ANKIB1: variants seen among roughly 807,000 people sequenced by gnomAD.
ANKIB1 encodes the protein ankyrin repeat and IBR domain containing 1.
In ANKIB1, 43 loss-of-function variants were observed where a neutral mutation model predicts 122.1. The observed-to-expected ratio is 0.35, with a 90% confidence interval of 0.28 to 0.45. The LOEUF (loss-of-function observed/expected upper bound fraction) is 0.45. ANKIB1 is among the 20% of genes least tolerant of loss of function. The pLI is 1.00. For synonymous variants in ANKIB1, 390 were observed against 442.0 expected, an observed-to-expected ratio of 0.88 and a Z score of 1.48; for missense variants, 992 against 1,329.5, an observed-to-expected ratio of 0.75 and a Z score of 3.95.
At chr7:92,335,043 G>A (rs1803257208) in intron 5 of ANKIB1, among the ~76,000 whole-genome samples, 1 of 151,402 alleles carries the variant, frequency 6.6e-6, no homozygotes, top group East Asian at 1.9e-4. Flanking sequence ...CTGGACATTT[G>A]TATTTCTTTT....
chr7:92,262,640 A>G (rs1801589241), intron 1 of ANKIB1, among the ~76,000 whole-genome samples: 1 of 152,170 alleles, frequency 6.6e-6, no homozygotes, highest in Non-Finnish European at 1.5e-5. Flanking sequence ...AGAAGAAGAA[A>G]ATATACCAGT....
chr7:92,378,906 A>G (rs12536421), intron 11 of ANKIB1, among the ~76,000 whole-genome samples: 49,992 of 152,052 alleles, frequency 0.33, 8,414 homozygotes, highest in Non-Finnish European at 0.35. Flanking sequence ...AACAACCTTC[A>G]TGTGTATCAA....
At chr7:92,298,016 T>G (rs1033893709) in intron 2 of ANKIB1, among the ~76,000 whole-genome samples, 5 of 152,184 alleles carry the variant, frequency 3.3e-5, no homozygotes, top group African/African-American at 1.2e-4. Context: ...TAACTCTGTT[T>G]CTGCCTTCTT....
At chr7:92,332,572 T>C (rs561495657) in intron 5 of ANKIB1, among the ~76,000 whole-genome samples, 13 of 152,352 alleles carry the variant, frequency 8.5e-5, no homozygotes, top group Non-Finnish European at 1.5e-4. Context: ...AAGTAACTTA[T>C]GTAATTGAAT....
intron 11 of ANKIB1, among the ~76,000 whole-genome samples, chr7:92,373,979 A>G (rs1804328009): frequency 6.6e-6 from 1 of 152,202 alleles, no homozygotes; most frequent in Non-Finnish European, 1.5e-5. Context: ...TAAAATGTAG[A>G]AGATTTAAAT....
chr7:92,298,532 C>G (rs548689504), intron 2 of ANKIB1, among the ~76,000 whole-genome samples: 1 of 152,022 alleles, frequency 6.6e-6, no homozygotes, highest in African/African-American at 2.4e-5. Flanking sequence ...TCCAGTGATT[C>G]TTAAAATGTG....
rs370199217 is a variant in ANKIB1, at chr7:92,252,371, T to A, written c.-91+5852T>A. 3.5e-3 allele frequency among the ~76,000 whole-genome samples: 528 copies of A among 151,736 alleles called. 3 individuals are homozygous for A. The highest frequency in any genetic ancestry group is 4.8e-3 in the South Asian group (23 of 4,806). On this transcript the variant is annotated intron_variant, in intron 1 of 19. Transcript: ENST00000265742. ...CTTCTATGCATATTAGTTGGTATTA[T>A]GTCATAAGGTACTACTTTTTTTTTT...
chr7:92,272,245 C>G (rs1243284343), intron 1 of ANKIB1, among the ~76,000 whole-genome samples: 7 of 152,004 alleles, frequency 4.6e-5, no homozygotes, highest in Non-Finnish European at 1.0e-4. Context: ...AATTTTATAG[C>G]TATGGAGATC....
chr7:92,344,826 C>T (rs1267430187), intron 6 of ANKIB1, among the ~76,000 whole-genome samples, 152 bp from the exon 7 acceptor site: 1 of 152,182 alleles, frequency 6.6e-6, no homozygotes, highest in East Asian at 1.9e-4. Context: ...CTGAAAGGCA[C>T]ACTAACTGTC....
At chr7:92,388,943 C>T (rs1233537915) in intron 14 of ANKIB1, among the ~76,000 whole-genome samples, 1 of 151,996 alleles carries the variant, frequency 6.6e-6, no homozygotes, top group African/African-American at 2.4e-5. Context: ...GAAGTATTGT[C>T]CACAGTATAA....
At chr7:92,335,011 G>A (rs1334362204) in intron 5 of ANKIB1, among the ~76,000 whole-genome samples, 1 of 151,806 alleles carries the variant, frequency 6.6e-6, no homozygotes, top group East Asian at 1.9e-4. Context: ...TTAAAGTAAA[G>A]TCCAATGTAT....
At chr7:92,249,564 C>T (rs1801277020) in intron 1 of ANKIB1, among the ~76,000 whole-genome samples, 1 of 151,968 alleles carries the variant, frequency 6.6e-6, no homozygotes, top group Non-Finnish European at 1.5e-5. Flanking sequence ...ACTAAAGATA[C>T]AAAAAACTAG....
At chr7:92,353,357 A>G (rs1313482192) in intron 9 of ANKIB1, among the ~76,000 whole-genome samples, 1 of 152,202 alleles carries the variant, frequency 6.6e-6, no homozygotes, top group African/African-American at 2.4e-5. Context: ...AAGGATATGT[A>G]ACTCTGAATA....
intron 17 of ANKIB1, 69 bp from the exon 18 acceptor site, chr7:92,396,291 AGTGTG>A: frequency 2.4e-6 from 2 of 824,482 alleles, no homozygotes; most frequent in Non-Finnish European, 2.0e-6. Flanking sequence ...CCTGGAAAAA[AGTGTG>A]TACTTTGTTT....
At chr7:92,294,175 A>G (rs902804501) in intron 1 of ANKIB1, among the ~76,000 whole-genome samples, 1 of 152,200 alleles carries the variant, frequency 6.6e-6, no homozygotes, top group African/African-American at 2.4e-5. Context: ...CACATTGCCC[A>G]TGTGATGATT....
At chr7:92,338,498 T>G (rs552900916) in intron 5 of ANKIB1, among the ~76,000 whole-genome samples, 48 of 152,274 alleles carry the variant, frequency 3.2e-4, no homozygotes, top group African/African-American at 1.0e-3. Context: ...TGTATATAAT[T>G]GTTTTTAATA....
At chr7:92,341,309 C>CAA (rs554016109) in intron 5 of ANKIB1, among the ~76,000 whole-genome samples, 19 of 78,880 alleles carry the variant, frequency 2.4e-4, no homozygotes, top group Admixed American at 4.2e-4. Flanking sequence ...GACCCTGTCT[C>CAA]AAAAAAAAAA....
At chr7:92,286,636 T>C (rs914183086) in intron 1 of ANKIB1, among the ~76,000 whole-genome samples, 7 of 151,876 alleles carry the variant, frequency 4.6e-5, no homozygotes, top group Non-Finnish European at 1.0e-4. Context: ...TGCACCACCA[T>C]GCCCAGCTAA....
intron 1 of ANKIB1, among the ~76,000 whole-genome samples, chr7:92,269,451 G>A (rs1801738258): frequency 6.6e-6 from 1 of 152,220 alleles, no homozygotes; most frequent in Non-Finnish European, 1.5e-5. Flanking sequence ...AAGTGTCTTT[G>A]TGTTACCTTG....
Sources: gnomAD v4.1 joint callset for allele counts (sites outside exome capture counted in the v4.1 genomes callset) on GRCh38, gnomAD v4.1.1 for gene constraint, MANE v1.5 for transcripts, NCBI Gene and HGNC (gene_info 2026-07-23, HGNC 2026-07-21) for gene names.